The following FAM107A variants were observed in gnomAD, a reference collection of about 807,000 sequenced individuals.
FAM107A encodes actin-associated protein FAM107A.
In FAM107A, 19 loss-of-function variants were observed where a neutral mutation model predicts 13.7. The ratio of observed to expected loss-of-function variants is 1.38; its 90% CI spans 0.97 to 2.03. The LOEUF is 2.03. Among genes scored for constraint, FAM107A ranks in the 30% most tolerant of loss-of-function variants. The probability of loss-of-function intolerance (pLI) is 0.00; values close to 1 mark genes in which losing one functional copy is unlikely to be tolerated. For missense variants in FAM107A, 203 were observed against 184.4 expected, an observed-to-expected ratio of 1.10 and a Z score of -0.58; for synonymous variants, 82 against 74.5, an observed-to-expected ratio of 1.10 and a Z score of -0.52.
chr3:58,586,889 G>A, exon 1 of FAM107A: 1 of 1,533,188 alleles, frequency 6.5e-7, no homozygotes, highest in Non-Finnish European at 8.7e-7. Flanking sequence ...GGTAGAGCCC[G>A]GTGGCATCGG....
chr3:58,594,958 CCTT>C (rs1278561643), intron 1 of FAM107A, among the ~76,000 whole-genome samples: 5 of 152,260 alleles, frequency 3.3e-5, no homozygotes, highest in Non-Finnish European at 5.9e-5. Flanking sequence ...CTGTTTTCCT[CCTT>C]CTTTTATTTG....
chr3:58,579,794 G>A (rs2065509166), upstream of FAM107A, among the ~76,000 whole-genome samples: 1 of 152,150 alleles, frequency 6.6e-6, no homozygotes, highest in East Asian at 1.9e-4. Flanking sequence ...AAGGAGAACT[G>A]GGCAGTAGTC....
intron 1 of FAM107A, among the ~76,000 whole-genome samples, chr3:58,599,695 C>CTTTTTTTT (rs1559483413): frequency 8.7e-5 from 4 of 45,742 alleles, no homozygotes; most frequent in Non-Finnish European, 1.6e-4. Context: ...ACAAGTGCAC[C>CTTTTTTTT]ATTTTTTTTT....
intron 1 of FAM107A, among the ~76,000 whole-genome samples, chr3:58,597,080 T>C (rs2065713369): frequency 6.6e-6 from 1 of 152,232 alleles, no homozygotes; most frequent in African/African-American, 2.4e-5. Flanking sequence ...ATGTCACAGT[T>C]TGCTGATACA....
chr3:58,565,756 C>G lies in FAM107A; in HGVS notation c.*832G>C, dbSNP rs1204442978. 6.6e-6 allele frequency: 1 copy of G among 152,184 alleles called. No homozygotes were observed. Among genetic ancestry groups the G allele is most frequent in the Non-Finnish European group, 1.5e-5 (1 of 68,080 alleles). 9.4% of individuals were successfully genotyped at this position (152,184 alleles called of 1,614,324 possible). On this transcript the variant is annotated 3_prime_UTR_variant, in exon 4 of 4. Transcript: ENST00000360997. ...AGCCCTGGGCACTCTCGCCCTGCTG[C>G]TCACAGCATGGTCCTCACACCAGCA... is the stretch of plus-strand genomic sequence containing the variant.
chr3:58,582,023 T>C (rs1004168814), upstream of FAM107A, among the ~76,000 whole-genome samples: 20 of 152,040 alleles, frequency 1.3e-4, no homozygotes, highest in Admixed American at 9.2e-4. Context: ...TGTGTCTGTT[T>C]CTCTGTGTGT....
intron 1 of FAM107A, among the ~76,000 whole-genome samples, chr3:58,601,945 G>A (rs1293991949): frequency 6.6e-6 from 1 of 152,156 alleles, no homozygotes; most frequent in African/African-American, 2.4e-5. Flanking sequence ...ACTTGGCAAG[G>A]GGGCTCCTGG....
Position 58,625,275 on chromosome 3 carries a change from C to T in FAM107A, c.-70+2141G>A, listed in dbSNP as rs559855078. Reference sequence around the variant, plus strand: ...TAGTGTGCCATCCCTTGATAACCTCCGTTATCCTAATTCCCTAAGAGCTAA... The same window carrying T: ...TAGTGTGCCATCCCTTGATAACCTCTGTTATCCTAATTCCCTAAGAGCTAA... On this transcript the variant is annotated intron_variant, in intron 1 of 3. Transcript: ENST00000465970. Among the ~76,000 whole-genome samples the T allele has an allele frequency of 8.3e-4, 127 of 152,252 alleles. 3 individuals are homozygous for T. The South Asian group carries it at 0.026, about 31-fold the overall frequency.
upstream of FAM107A, among the ~76,000 whole-genome samples, chr3:58,578,860 A>C (rs972427258): frequency 6.6e-6 from 1 of 152,236 alleles, no homozygotes; most frequent in Non-Finnish European, 1.5e-5. Flanking sequence ...AGGTGAATGG[A>C]GGCTTTAACA....
Position 58,566,265 on chromosome 3 carries a change from G to T in FAM107A, c.*323C>A, listed in dbSNP as rs533636451. ...TGGGAAGGCCTGGGCAGAACAGAAG[G>T]CTTGTCAAGTCAGAGGGCCACCTCT... On this transcript the variant is annotated 3_prime_UTR_variant, in exon 4 of 4. Transcript: ENST00000360997. 1.1e-5 allele frequency: 3 copies of T among 271,952 alleles called. No individual in the cohort carries two copies. Among genetic ancestry groups the T allele is most frequent in the Non-Finnish European group, 2.1e-5 (3 of 146,184 alleles). The allele number at this position is 271,952 out of a possible 1,614,324, so 16.8% of individuals were successfully genotyped here.
chr3:58,586,830 C>T (rs988905458), intron 1 of FAM107A: 5 of 1,517,544 alleles, frequency 3.3e-6, no homozygotes, highest in Middle Eastern at 1.7e-4. Context: ...CCACTTCCCG[C>T]GGCGAGGGTG....
At position 58,613,489 on chromosome 3, in the gene FAM107A, G is replaced by T. The variant is rs2065873414; in HGVS notation, c.-70+13927C>A. On this transcript the variant is annotated intron_variant, in intron 1 of 3. Coordinates refer to the FAM107A transcript ENST00000465970. This position sits in a 1 kb window ranked among gnomAD's most constrained non-coding sequence, Gnocchi z 4.6. ...CAGTACTCACCCCTCATCCTGCCCT[G>T]CCCAGCCCCTGCCTGCTGCTCTGGC... Among the ~76,000 whole-genome samples the T allele has an allele frequency of 6.6e-6, 1 of 152,068 alleles. No individual in the cohort carries two copies. The highest frequency in any genetic ancestry group is 2.4e-5 in the African/African-American group (1 of 41,396).
At chr3:58,626,847 A>C (rs2066022832) in intron 1 of FAM107A, 1 of 891,306 alleles carries the variant, frequency 1.1e-6, no homozygotes, top group Non-Finnish European at 1.8e-6. Context: ...TGTGAGTTCC[A>C]GGGGGAGGGC....
rs773219843 is a variant in FAM107A at position 58,604,674 on chromosome 3, G to C, written c.-69-15405C>G. On this transcript the variant is annotated intron_variant, in intron 1 of 3. Coordinates refer to the FAM107A transcript ENST00000465970. This position sits in a 1 kb window ranked among gnomAD's most constrained non-coding sequence, Gnocchi z 4.1. The stretch of plus-strand genomic sequence containing the variant: ...ATTTTGGGGAATAAATTATTACTTT[G>C]CTCACACGGAGATAAGCAGCTGGCA... 3.9e-5 allele frequency among the ~76,000 whole-genome samples: 6 copies of C among 152,142 alleles called. No individual in the cohort carries two copies. Among genetic ancestry groups the C allele is most frequent in the Non-Finnish European group, 8.8e-5 (6 of 68,026 alleles).
At chr3:58,625,327 C>A (rs2066003512) in intron 1 of FAM107A, among the ~76,000 whole-genome samples, 1 of 152,142 alleles carries the variant, frequency 6.6e-6, no homozygotes, top group Admixed American at 6.5e-5. Flanking sequence ...TCAAAAGACT[C>A]CATGCTGATT....
At chr3:58,567,038 G>T (rs945802114) in intron 3 of FAM107A, 170 bp downstream of exon 3, 3 of 790,032 alleles carry the variant, frequency 3.8e-6, no homozygotes, top group Non-Finnish European at 6.3e-6. Context: ...TCGCCCTAAG[G>T]ACCTAGCAAA....
chr3:58,566,958 A>G (rs2063627940), intron 3 of FAM107A: 2 of 610,860 alleles, frequency 3.3e-6, no homozygotes, highest in Non-Finnish European at 5.8e-6. Context: ...CAAGACAGTT[A>G]TAAGAATGAA....
intron 1 of FAM107A, among the ~76,000 whole-genome samples, chr3:58,612,035 C>A (rs1421372314): frequency 6.6e-6 from 1 of 151,856 alleles, no homozygotes; most frequent in Non-Finnish European, 1.5e-5. Flanking sequence ...AAGGATCTGA[C>A]AAGGCCATGT....
chr3:58,577,407 A>G, upstream of FAM107A: 1 of 985,394 alleles, frequency 1.0e-6, no homozygotes, highest in Non-Finnish European at 1.2e-6. This position sits in a 1 kb window ranked among gnomAD's most constrained non-coding sequence, Gnocchi z 4.9. Flanking sequence ...CTGCCTCTAG[A>G]GGGCGGTTCT....
Sources: gnomAD v4.1 joint callset for allele counts (sites outside exome capture counted in the v4.1 genomes callset) on GRCh38, gnomAD v4.1.1 for gene constraint, Gnocchi (gnomAD v3.1) non-coding constraint, MANE v1.5 for transcripts, NCBI Gene and HGNC (gene_info 2026-07-23, HGNC 2026-07-21) for gene names.